Variants in NAA35 observed in about 807,000 individuals in gnomAD.
NAA35 encodes the protein N-alpha-acetyltransferase 35, NatC auxiliary subunit, also known as MAK10 homolog, amino-acid N-acetyltransferase subunit.
Under a neutral mutation model 101.7 loss-of-function variants are expected in NAA35, and 18 were observed. That is an observed-to-expected ratio of 0.18 (90% CI 0.12 to 0.26). The LOEUF (loss-of-function observed/expected upper bound fraction) is 0.26. Ranked by LOEUF, NAA35 falls within the 10% of genes least tolerant of loss-of-function variation. NAA35 has a pLI of 1.00. For synonymous variants in NAA35, 267 were observed against 273.1 expected, an observed-to-expected ratio of 0.98 and a Z score of 0.22; for missense variants, 601 against 886.8, an observed-to-expected ratio of 0.68 and a Z score of 4.09.
In NAA35 at chr9:86,003,614, A is replaced by C. The variant is rs779523388; in HGVS notation, c.1086A>C (p.Ser362=). 3.8e-5 allele frequency: 61 copies of C among 1,599,130 alleles called. No homozygotes were observed. Among genetic ancestry groups the C allele is most frequent in the Non-Finnish European group, 5.2e-5 (61 of 1,170,878 alleles). Residue 362 remains serine, a synonymous_variant, in exon 13 of 23, where the codon TCA becomes TCC. Coordinates refer to ENST00000361671, the MANE Select transcript of NAA35 (RefSeq NM_024635.4). ...TTTTCTGTGAATTTAGTGAACAGTC[A>C]CCATGTGTTCTTTCAAGATCTCTGT... ...LDFFCEFSEQ[S]PCVLSRSLLQ...
intron 12 of NAA35, among the ~76,000 whole-genome samples, chr9:85,999,108 T>C (rs540751821): frequency 6.6e-6 from 1 of 152,346 alleles, no homozygotes; most frequent in Admixed American, 6.5e-5. Flanking sequence ...TGCATTTGCT[T>C]TCTTATTAGA....
chr9:85,967,112 C>T (rs1829776092), intron 6 of NAA35, among the ~76,000 whole-genome samples: 1 of 152,052 alleles, frequency 6.6e-6, no homozygotes, highest in Non-Finnish European at 1.5e-5. Context: ...GCACTCCAGC[C>T]TGGGTGACAG....
chr9:86,003,729 G>A, intron 13 of NAA35, 85 bp downstream of exon 13: 1 of 783,148 alleles, frequency 1.3e-6, no homozygotes, highest in Non-Finnish European at 2.0e-6. Context: ...ACAAAAGGTA[G>A]ATGCTTTTAA....
intron 11 of NAA35, among the ~76,000 whole-genome samples, chr9:85,985,519 A>G (rs1461887037): frequency 3.9e-5 from 6 of 152,360 alleles, no homozygotes; most frequent in Admixed American, 2.6e-4. Flanking sequence ...TTCCATTTAT[A>G]TAAAATGTCC....
At chr9:85,953,242 C>T (rs1043847754) in intron 2 of NAA35, among the ~76,000 whole-genome samples, 3 of 146,126 alleles carry the variant, frequency 2.1e-5, no homozygotes, top group South Asian at 2.2e-4. Context: ...TTTTTTTTAC[C>T]GGCTTAACCA....
At chr9:85,943,707 T>C (rs1218374102) in intron 2 of NAA35, among the ~76,000 whole-genome samples, 1 of 152,222 alleles carries the variant, frequency 6.6e-6, no homozygotes, top group African/African-American at 2.4e-5. Flanking sequence ...AAGTGGATTA[T>C]ACCTGTCATC....
At chr9:85,971,022 G>T (rs1453808475) in intron 6 of NAA35, among the ~76,000 whole-genome samples, 1 of 152,164 alleles carries the variant, frequency 6.6e-6, no homozygotes, top group Non-Finnish European at 1.5e-5. Context: ...TCCTCCACTT[G>T]TGTTGCATTA....
At chr9:86,020,415 G>A (rs1489351954) in intron 21 of NAA35, among the ~76,000 whole-genome samples, 1 of 151,940 alleles carries the variant, frequency 6.6e-6, no homozygotes, top group African/African-American at 2.4e-5. Flanking sequence ...GCAAGATAAG[G>A]TAGCCATTTC....
intron 6 of NAA35, among the ~76,000 whole-genome samples, chr9:85,972,810 T>G (rs750601391): frequency 3.3e-5 from 5 of 152,210 alleles, no homozygotes; most frequent in Non-Finnish European, 5.9e-5. Flanking sequence ...CACATATTTA[T>G]TGAATAGAAG....
At chr9:86,013,585 T>C in intron 16 of NAA35, 134 bp from the exon 17 acceptor site, 3 of 781,214 alleles carry the variant, frequency 3.8e-6, no homozygotes, top group Non-Finnish European at 6.0e-6. Context: ...TAAAAATGCA[T>C]TTAAAAATGT....
At chr9:86,019,528 G>A (rs953203877) in intron 21 of NAA35, among the ~76,000 whole-genome samples, 27 of 152,036 alleles carry the variant, frequency 1.8e-4, no homozygotes, top group African/African-American at 2.4e-4. Context: ...AGTTATCACC[G>A]GAACAACCTT....
At chr9:85,953,347 A>T (rs1829104900) in intron 2 of NAA35, among the ~76,000 whole-genome samples, 1 of 151,930 alleles carries the variant, frequency 6.6e-6, no homozygotes, top group Non-Finnish European at 1.5e-5. Flanking sequence ...TTGTGAAGCT[A>T]AAATTCTCTA....
chr9:85,993,494 G>GAACC (rs1564312848), intron 11 of NAA35, among the ~76,000 whole-genome samples: 2 of 152,170 alleles, frequency 1.3e-5, no homozygotes, highest in Non-Finnish European at 2.9e-5. Context: ...ATAGGGACAG[G>GAACC]AAGAAGTTCC....
intron 6 of NAA35, among the ~76,000 whole-genome samples, chr9:85,970,013 T>C (rs1040381146): frequency 6.6e-6 from 1 of 152,206 alleles, no homozygotes; most frequent in African/African-American, 2.4e-5. Flanking sequence ...GATTTGGTCT[T>C]AAACTTGAAT....
chr9:86,011,526 TTTTTTTGTA>T (rs1166929392), intron 15 of NAA35, among the ~76,000 whole-genome samples: 5 of 150,766 alleles, frequency 3.3e-5, no homozygotes, highest in African/African-American at 9.7e-5. Flanking sequence ...ACCTGGTTAA[TTTTTTTGTA>T]TTTTTTGTGG....
chr9:85,977,338 T>G, intron 9 of NAA35, 25 bp from the exon 10 acceptor site: 1 of 1,544,324 alleles, frequency 6.5e-7, no homozygotes, highest in Non-Finnish European at 8.9e-7. Flanking sequence ...ATCTTTTAAC[T>G]TTTAGTCCTT....
chr9:85,999,631 A>G (rs1247908441), intron 12 of NAA35, among the ~76,000 whole-genome samples: 1 of 152,180 alleles, frequency 6.6e-6, no homozygotes, highest in Non-Finnish European at 1.5e-5. Context: ...CTAACCAAGG[A>G]TAGGTAGCTG....
At chr9:86,006,367 G>C (rs1831642739) in intron 13 of NAA35, among the ~76,000 whole-genome samples, 1 of 151,562 alleles carries the variant, frequency 6.6e-6, no homozygotes, top group East Asian at 1.9e-4. Context: ...GTGTAGAGCT[G>C]TTTGTTCATG....
At chr9:85,965,315 T>C (rs1829697439) in intron 6 of NAA35, among the ~76,000 whole-genome samples, 1 of 152,206 alleles carries the variant, frequency 6.6e-6, no homozygotes. Flanking sequence ...TAAAAGATGT[T>C]ACATTCATAC....
Sources: gnomAD v4.1 joint callset for allele counts (sites outside exome capture counted in the v4.1 genomes callset) on GRCh38, gnomAD v4.1.1 for gene constraint, MANE v1.5 for transcripts, NCBI Gene and HGNC (gene_info 2026-07-23, HGNC 2026-07-21) for gene names.